COL6A3: variants seen among roughly 807,000 people sequenced by gnomAD.
COL6A3 encodes collagen alpha-3(VI) chain.
A neutral mutation model predicts 274.1 loss-of-function variants in COL6A3; 137 were observed. The ratio of observed to expected loss-of-function variants is 0.50; its 90% CI spans 0.44 to 0.58. COL6A3 has a LOEUF of 0.58. Ranked by LOEUF, COL6A3 falls within the 20% of genes least tolerant of loss-of-function variation. The pLI is 0.00. For missense variants in COL6A3, 3,950 were observed against 4,124.9 expected (o/e 0.96, Z 1.16); for synonymous variants, 1,650 against 1,650.6 (o/e 1.00, Z 0.01).
At position 237,381,030 on chromosome 2, in the gene COL6A3, C is replaced by T; in HGVS notation, c.1782G>A (p.Glu594=). The change falls in exon 5 of 44, where the codon GAG becomes GAA. Residue 594 remains glutamate (E), a synonymous_variant. Transcript: ENST00000295550. ...NKGADQAELE[E]IAFDSSLVFI... ...ACACCAGGGAGGAGTCGAAAGCGAT[C>T]TCTTCCAGCTCAGCCTGATCGGCAC... 1 of 1,614,240 alleles carries T rather than the reference C, an allele frequency of 6.2e-7. No homozygotes were observed. Among genetic ancestry groups the T allele is most frequent in the Non-Finnish European group, 8.5e-7 (1 of 1,180,044 alleles).
At position 237,366,705 on chromosome 2, in the gene COL6A3, C is replaced by T. The variant is rs1237788688; in HGVS notation, c.5482G>A (p.Val1828Ile). 2 of 1,614,270 alleles carry T rather than the reference C, an allele frequency of 1.2e-6. No homozygotes were observed. Among genetic ancestry groups the T allele is most frequent in the Non-Finnish European group, 8.5e-7 (1 of 1,180,054 alleles). ...DAMHETLCPG[V>I]TDAAKACNLD... is the part of the protein sequence containing the mutation. ...GAGTTACCTTTGGCAGCATCAGTTA[C>T]ACCAGGGCAAAGGGTTTCATGCATC... The change falls in exon 11 of 44, where the codon GTA becomes ATA. Residue 1828 changes from valine (V) to isoleucine (I), a missense_variant. Physicochemically the swap from Val to Ile is conservative, Grantham distance 29 (BLOSUM62 3). Around this residue, in one of 5 missense-constraint regions of COL6A3, gnomAD observed 632 missense variants for 623.4 expected, o/e 1.01. Transcript: ENST00000295550.
intron 1 of COL6A3, among the ~76,000 whole-genome samples, chr2:237,403,650 CT>C (rs2078648937): frequency 6.6e-6 from 1 of 152,072 alleles, no homozygotes. Context: ...TGGTCACTGC[CT>C]TTTGGACATG....
intron 1 of COL6A3, among the ~76,000 whole-genome samples, chr2:237,410,464 G>C (rs1295726917): frequency 6.6e-6 from 1 of 151,918 alleles, no homozygotes; most frequent in Non-Finnish European, 1.5e-5. Context: ...ACCATGCCTG[G>C]TTAATTTTTT....
intron 3 of COL6A3, among the ~76,000 whole-genome samples, chr2:237,390,036 A>T (rs79842576): frequency 0.022 from 3,314 of 152,294 alleles, 55 homozygotes; most frequent in Non-Finnish European, 0.031. Context: ...GGCTCCACAA[A>T]TTCCACAAAA....
In COL6A3 at chr2:237,371,900, C is replaced by G; in HGVS notation, c.4117G>C (p.Ala1373Pro). Residue 1373 changes from alanine to proline, a missense_variant, in exon 9 of 44, where the codon GCA becomes CCA. By Grantham distance (27) the Ala-to-Pro change is conservative (BLOSUM62 -1). This residue lies in a region of COL6A3 where 1,934 missense variants were observed against 1,984.3 expected (regional missense o/e 0.97). Transcript: ENST00000295550. This position sits in a 1 kb window ranked among gnomAD's most constrained non-coding sequence, Gnocchi z 4.3. ...ATCTTCACCAGCTCCTCCTGGTCTG[C>G]GTTCCTGGCGATCGTGAAAGGGGCC... The part of the protein sequence containing the change: ...GVAPFTIARN[A>P]DQEELVKISL... 6.2e-7 allele frequency: 1 copy of G among 1,613,852 alleles called. No homozygotes were observed. The highest frequency in any genetic ancestry group is 2.2e-5 in the East Asian group (1 of 44,864).
At chr2:237,389,402 G>A (rs1335626722) in intron 3 of COL6A3, among the ~76,000 whole-genome samples, 1 of 151,992 alleles carries the variant, frequency 6.6e-6, no homozygotes, top group African/African-American at 2.4e-5. Flanking sequence ...TTATATTCTG[G>A]GATTCCAGAA....
intron 42 of COL6A3, chr2:237,332,968 A>C: frequency 4.4e-6 from 1 of 225,464 alleles, no homozygotes; most frequent in East Asian, 9.4e-5. Flanking sequence ...ACAGACTCAC[A>C]CACTAAGCTG....
At chr2:237,377,589 A>G (rs2106365188) in intron 6 of COL6A3, among the ~76,000 whole-genome samples, 1 of 152,358 alleles carries the variant, frequency 6.6e-6, no homozygotes, top group African/African-American at 2.4e-5. Flanking sequence ...TGCTTCTTCA[A>G]TAAAGCAAGC....
In COL6A3 at chr2:237,402,354, A is replaced by C. The variant is rs138761789; in HGVS notation, c.-30-5507T>G. On this transcript the variant is annotated intron_variant, in intron 1 of 43. Transcript: ENST00000295550. The stretch of plus-strand genomic sequence containing the variant: ...ACTGCTGTACTGTACACTTAAATAT[A>C]GTCAAGATAGTATGTTTTATGTTAT... Among the ~76,000 whole-genome samples the C allele has an allele frequency of 7.3e-3, 1,109 of 152,294 alleles. 13 individuals carry two copies. The highest frequency in any genetic ancestry group is 0.012 in the Non-Finnish European group (838 of 68,016).
Position 237,369,183 on chromosome 2 carries a change from G to T in COL6A3, c.4286-6C>A, listed in dbSNP as rs1250196413. Reference sequence around the variant, plus strand: ...TGCAGCATCACTCTCAACTGCTGCAGATCAAAGAAGAAAAAGGGAAACATT... The same window carrying T: ...TGCAGCATCACTCTCAACTGCTGCATATCAAAGAAGAAAAAGGGAAACATT... On this transcript the variant is annotated splice_polypyrimidine_tract_variant and splice_region_variant and intron_variant, in intron 9 of 43. Coordinates refer to ENST00000295550, the MANE Select transcript of COL6A3 (RefSeq NM_004369.4). 6.2e-7 allele frequency: 1 copy of T among 1,607,812 alleles called. No individual in the cohort carries two copies. The highest frequency in any genetic ancestry group is 8.5e-7 in the Non-Finnish European group (1 of 1,179,982).
rs200562443 is a variant in COL6A3, at chr2:237,374,818, G to A, written c.3273C>T (p.Val1091=). 4.0e-5 allele frequency: 64 copies of A among 1,613,998 alleles called. No individual in the cohort carries two copies. The East Asian group carries it at 9.8e-4, about 25-fold the overall frequency. ...YLNSYMNKQD[V]VNAVRQLTLL... is the part of the protein sequence containing the mutation. ...GGGTCAGCTGGCGGACAGCGTTGAC[G>A]ACGTCCTGCTTGTTCATGTATGAAT... The change falls in exon 8 of 44, where the codon GTC becomes GTT. Residue 1091 remains valine, a synonymous_variant. Coordinates refer to ENST00000295550, the MANE Select transcript of COL6A3 (RefSeq NM_004369.4). This position sits in a 1 kb window ranked among gnomAD's most constrained non-coding sequence, Gnocchi z 4.8.
rs75541025 is a variant in COL6A3, at chr2:237,325,074, T to C, written c.9494-260A>G. 0.011 allele frequency among the ~76,000 whole-genome samples: 1,617 copies of C among 152,274 alleles called. 16 individuals carry two copies. Among genetic ancestry groups the C allele is most frequent in the Non-Finnish European group, 0.016 (1,076 of 68,016 alleles). The stretch of plus-strand genomic sequence containing the variant: ...CCCTGCACCATCTACCAGGCCTTTA[T>C]ACGAACTGAACTCTCCCCATTCTGG... On this transcript the variant is annotated intron_variant, in intron 43 of 43. Transcript: ENST00000295550.
chr2:237,400,632 A>C (rs2078566412), intron 1 of COL6A3, among the ~76,000 whole-genome samples: 1 of 152,144 alleles, frequency 6.6e-6, no homozygotes, highest in Non-Finnish European at 1.5e-5. Flanking sequence ...CCATAAAAAA[A>C]AAACAAAAAA....
In COL6A3 at chr2:237,344,728, A is replaced by C. The variant is rs900113844; in HGVS notation, c.7290T>G (p.Asn2430Lys). 5.0e-6 allele frequency: 8 copies of C among 1,604,280 alleles called. No individual in the cohort carries two copies. In the African/African-American group the frequency reaches 6.7e-5, roughly 13 times the overall value. The change falls in exon 36 of 44, where the codon AAT becomes AAG. Residue 2430 changes from asparagine to lysine, a missense_variant. Transcript: ENST00000295550. The surrounding 1 kb of genome is among the most constrained non-coding windows in gnomAD (Gnocchi z 4.8). Reference sequence around the variant, plus strand: ...AGTTGCTCTCAGCAATGGTCAGGTCATTCACAATACTCAAGACCACATCTC... The same window carrying C: ...AGTTGCTCTCAGCAATGGTCAGGTCCTTCACAATACTCAAGACCACATCTC... ...RMRDVVLSIV[N>K]DLTIAESNCP...
At chr2:237,386,865 T>G (rs1027768645) in intron 4 of COL6A3, among the ~76,000 whole-genome samples, 2 of 152,200 alleles carry the variant, frequency 1.3e-5, no homozygotes, top group Admixed American at 1.3e-4. Flanking sequence ...CCACCATACC[T>G]CCTATGTTTG....
intron 6 of COL6A3, among the ~76,000 whole-genome samples, chr2:237,378,011 A>G (rs749303979): frequency 1.4e-4 from 22 of 152,352 alleles, no homozygotes; most frequent in Non-Finnish European, 2.8e-4. Context: ...CAGTTCTTAG[A>G]ACTATTTTGA....
At chr2:237,347,556 A>T (rs1449281821) in intron 31 of COL6A3, among the ~76,000 whole-genome samples, 1 of 152,088 alleles carries the variant, frequency 6.6e-6, no homozygotes, top group Non-Finnish European at 1.5e-5. Flanking sequence ...CTGTGCCTGG[A>T]GTGAGCTGGG....
intron 31 of COL6A3, 27 bp downstream of exon 31, chr2:237,347,780 C>T (rs779167149): frequency 1.9e-6 from 3 of 1,601,854 alleles, no homozygotes; most frequent in South Asian, 2.3e-5. Flanking sequence ...CATTCCTCAC[C>T]TGCAGCCAAG....
intron 8 of COL6A3, 59 bp from the exon 9 acceptor site, chr2:237,372,396 T>G (rs943602666): frequency 3.1e-6 from 5 of 1,599,456 alleles, no homozygotes; most frequent in African/African-American, 2.7e-5. Context: ...TTAGCGTTCA[T>G]GAGCCACCGC....
Sources: gnomAD v4.1 joint callset for allele counts (sites outside exome capture counted in the v4.1 genomes callset) on GRCh38, gnomAD v4.1.1 for gene constraint, gnomAD v4.1.1 regional missense constraint, Gnocchi (gnomAD v3.1) non-coding constraint, MANE v1.5 for transcripts, NCBI Gene and HGNC (gene_info 2026-07-23, HGNC 2026-07-21) for gene names.